RNF146: variants seen among roughly 807,000 people sequenced by gnomAD.
RNF146 encodes E3 ubiquitin-protein ligase RNF146.
In RNF146, 11 loss-of-function variants were observed where a neutral mutation model predicts 29.7. The observed-to-expected ratio is 0.37, with a 90% CI of 0.23 to 0.61. The LOEUF is 0.61. RNF146 is among the 20% of genes least tolerant of loss of function. The pLI is 0.66. For synonymous variants in RNF146, 150 were observed against 159.7 expected (o/e 0.94, Z 0.46); for missense variants, 342 against 438.9 (o/e 0.78, Z 1.97).
intron 1 of RNF146, among the ~76,000 whole-genome samples, chr6:127,277,133 CAGG>C (rs1288789160): frequency 1.2e-3 from 186 of 152,090 alleles, no homozygotes; most frequent in African/African-American, 4.2e-3. Context: ...TAATCCCTTA[CAGG>C]TGGTGAGAGA....
At chr6:127,277,274 G>A (rs994563082) in intron 1 of RNF146, among the ~76,000 whole-genome samples, 2 of 151,960 alleles carry the variant, frequency 1.3e-5, no homozygotes, top group East Asian at 3.9e-4. Context: ...AAAATGTGCA[G>A]TTTTCTGTTT....
At chr6:127,280,420 G>A (rs1433391723) in intron 2 of RNF146, 80 bp downstream of exon 2, 2 of 1,463,708 alleles carry the variant, frequency 1.4e-6, no homozygotes, top group African/African-American at 2.8e-5. Flanking sequence ...TTGAGTATCT[G>A]TCATATGTAG....
At chr6:127,282,691 C>T (rs1215428637) in intron 2 of RNF146, among the ~76,000 whole-genome samples, 2 of 151,688 alleles carry the variant, frequency 1.3e-5, no homozygotes, top group Non-Finnish European at 3.0e-5. Context: ...TCCCTTTCGC[C>T]ATACCTCCTC....
In RNF146 at chr6:127,287,488, C is replaced by T. The variant is rs546749357; in HGVS notation, c.875C>T (p.Ala292Val). 3.4e-5 allele frequency: 55 copies of T among 1,613,304 alleles called. No individual in the cohort carries two copies. In the South Asian group the frequency reaches 4.1e-4, roughly 12 times the overall value. Residue 292 changes from alanine to valine, a missense_variant, in exon 3 of 3, where the codon GCC becomes GTC. Coordinates refer to ENST00000368314, the MANE Select transcript of RNF146 (RefSeq NM_001242850.2). ...DTSIEETESD[A>V]SSDSEDVSAV... is the part of the protein sequence containing the mutation. ...TCCATTGAAGAAACTGAATCAGATG[C>T]CAGTAGTGATAGTGAGGATGTATCT...
intron 1 of RNF146, among the ~76,000 whole-genome samples, chr6:127,268,289 A>G (rs1325518618): frequency 2.0e-5 from 3 of 152,190 alleles, no homozygotes; most frequent in Non-Finnish European, 2.9e-5. Context: ...TAGAATTTGG[A>G]AGACTTAGGA....
At position 127,284,495 on chromosome 6, in the gene RNF146, T is replaced by G. The variant is rs1053317527; in HGVS notation, c.3-2121T>G. 8.2e-4 allele frequency among the ~76,000 whole-genome samples: 125 copies of G among 151,856 alleles called. 2 individuals are homozygous for G. The highest frequency in any genetic ancestry group is 2.1e-4 in the Non-Finnish European group (14 of 67,858). ...TGGAGCTTTAAATAAATATGGAACT[T>G]GGAACAAAAAGATTTTCAGGAATTT... On this transcript the variant is annotated intron_variant, in intron 2 of 2. Transcript: ENST00000368314.
At chr6:127,282,134 G>A (rs537978731) in intron 2 of RNF146, among the ~76,000 whole-genome samples, 2 of 151,846 alleles carry the variant, frequency 1.3e-5, no homozygotes, top group Admixed American at 6.6e-5. Context: ...AAAGTGAATT[G>A]TATGGTGAAA....
chr6:127,285,236 A>G (rs1779358754), intron 2 of RNF146: 1 of 985,070 alleles, frequency 1.0e-6, no homozygotes, highest in Non-Finnish European at 1.2e-6. Context: ...AGCCTTGTCT[A>G]TTGAGGAACC....
intron 1 of RNF146, among the ~76,000 whole-genome samples, chr6:127,274,328 G>A (rs944345444): frequency 6.6e-6 from 1 of 151,988 alleles, no homozygotes; most frequent in Non-Finnish European, 1.5e-5. Context: ...GGATTTTTTT[G>A]TACTTATTTT....
At chr6:127,281,921 G>T (rs1452772911) in intron 2 of RNF146, among the ~76,000 whole-genome samples, 1 of 151,440 alleles carries the variant, frequency 6.6e-6, no homozygotes, top group Non-Finnish European at 1.5e-5. Context: ...TAGATTTTCA[G>T]GATTTATTTT....
In RNF146 at chr6:127,286,129, C is replaced by G; in HGVS notation, c.3-487C>G. 8.1e-7 allele frequency: 1 copy of G among 1,230,522 alleles called. No homozygotes were observed. Among genetic ancestry groups the G allele is most frequent in the South Asian group, 4.1e-5 (1 of 24,356 alleles). 76.2% of individuals were successfully genotyped at this position (1,230,522 alleles called of 1,614,324 possible). On this transcript the variant is annotated intron_variant, in intron 2 of 2. Transcript: ENST00000368314. The surrounding 1 kb of genome is among the most constrained non-coding windows in gnomAD (Gnocchi z 4.6). Reference sequence around the variant, plus strand: ...TTATGAAGCTTTAGTGATTACAAAGCACTTTTTTTGTCCATTTTTACCTGA... The same window carrying G: ...TTATGAAGCTTTAGTGATTACAAAGGACTTTTTTTGTCCATTTTTACCTGA...
At chr6:127,271,546 T>G (rs984753221) in intron 1 of RNF146, among the ~76,000 whole-genome samples, 1 of 152,192 alleles carries the variant, frequency 6.6e-6, no homozygotes, top group Admixed American at 6.5e-5. Context: ...TTTAACAAGA[T>G]TAATATGCAA....
chr6:127,272,870 C>T (rs774017170), intron 1 of RNF146, among the ~76,000 whole-genome samples: 4 of 152,094 alleles, frequency 2.6e-5, no homozygotes, highest in South Asian at 2.1e-4. Flanking sequence ...TTGTTATATG[C>T]ATTACATACT....
At chr6:127,268,114 CAG>C (rs1158571518) in intron 1 of RNF146, among the ~76,000 whole-genome samples, 9 of 152,174 alleles carry the variant, frequency 5.9e-5, no homozygotes, top group Non-Finnish European at 1.0e-4. Flanking sequence ...AATATCGAAA[CAG>C]TGTAGAACTG....
chr6:127,286,137 T>G lies in RNF146; in HGVS notation c.3-479T>G. 8.1e-7 allele frequency: 1 copy of G among 1,230,958 alleles called. No homozygotes were observed. 76.3% of individuals were successfully genotyped at this position (1,230,958 alleles called of 1,614,324 possible). On this transcript the variant is annotated intron_variant, in intron 2 of 2. Coordinates refer to ENST00000368314, the MANE Select transcript of RNF146 (RefSeq NM_001242850.2). The surrounding 1 kb of genome is among the most constrained non-coding windows in gnomAD (Gnocchi z 4.6). ...CTTTAGTGATTACAAAGCACTTTTT[T>G]TGTCCATTTTTACCTGAGCTTTGTA...
rs1460771296 is a variant in RNF146, at chr6:127,287,627, T to G, written c.1014T>G (p.Gly338=). ...RSGTDRSVAG[G]GTVSVSVRSR... ...GAACTGATCGATCAGTAGCAGGGGG[T>G]GGAACAGTGAGTGTCAGTGTCAGAT... Residue 338 remains glycine, a synonymous_variant, in exon 3 of 3, where the codon GGT becomes GGG. Coordinates refer to ENST00000368314, the MANE Select transcript of RNF146 (RefSeq NM_001242850.2). The G allele has an allele frequency of 3.7e-6, 6 of 1,611,214 alleles. No homozygotes were observed. Among genetic ancestry groups the G allele is most frequent in the Non-Finnish European group, 5.1e-6 (6 of 1,178,512 alleles).
intron 2 of RNF146, chr6:127,282,460 G>A (rs1434695302): frequency 6.6e-6 from 1 of 151,660 alleles, no homozygotes; most frequent in South Asian, 2.1e-4. Flanking sequence ...AAATTCAGCT[G>A]TCATCTACCT....
upstream of RNF146, chr6:127,266,804 T>G (rs1776658365): frequency 6.6e-6 from 1 of 150,724 alleles, no homozygotes; most frequent in South Asian, 2.1e-4. Context: ...GCGCGGCGCG[T>G]CGCGGCCCCT....
chr6:127,270,864 G>T (rs7773637), intron 1 of RNF146, among the ~76,000 whole-genome samples: 2 of 149,404 alleles, frequency 1.3e-5, no homozygotes, highest in Admixed American at 6.7e-5. Flanking sequence ...TCATTAGGCT[G>T]GAGTGCAGTG....
Sources: gnomAD v4.1 joint callset for allele counts (sites outside exome capture counted in the v4.1 genomes callset) on GRCh38, gnomAD v4.1.1 for gene constraint, Gnocchi (gnomAD v3.1) non-coding constraint, MANE v1.5 for transcripts, NCBI Gene and HGNC (gene_info 2026-07-23, HGNC 2026-07-21) for gene names.